RALB: variants seen among roughly 807,000 people sequenced by gnomAD.
RALB encodes the protein ras-related protein Ral-B.
RALB carries 16 observed loss-of-function variants against 21.3 expected under a neutral mutation model. The observed-to-expected ratio is 0.75, with a 90% CI of 0.51 to 1.14. The LOEUF (loss-of-function observed/expected upper bound fraction) is 1.14, where lower values mean the gene tolerates loss of function less well. Among genes scored for constraint, RALB ranks in the 50% most tolerant of loss-of-function variants. The probability of loss-of-function intolerance (pLI) is 0.00; values close to 1 mark genes in which losing one functional copy is unlikely to be tolerated. For synonymous variants in RALB, 93 were observed against 96.1 expected (o/e 0.97, Z 0.19); for missense variants, 161 against 256.2 (o/e 0.63, Z 2.54).
chr2:120,240,775 C>T (rs1688881141), intron 1 of RALB, among the ~76,000 whole-genome samples: 1 of 152,194 alleles, frequency 6.6e-6, no homozygotes, highest in Non-Finnish European at 1.5e-5. Context: ...TGTCTTTCCT[C>T]TCATGCCTTC....
intron 1 of RALB, among the ~76,000 whole-genome samples, chr2:120,257,754 A>G (rs541483917): frequency 6.6e-6 from 1 of 152,218 alleles, no homozygotes; most frequent in East Asian, 1.9e-4. Flanking sequence ...ATGAGCTAGT[A>G]TCTTTCTTTT....
chr2:120,251,097 G>A (rs1199827972), upstream of RALB, among the ~76,000 whole-genome samples: 1 of 152,210 alleles, frequency 6.6e-6, no homozygotes, highest in Admixed American at 6.5e-5. Context: ...CTAGGGGATG[G>A]GGGGCAGGTG....
chr2:120,269,269 T>A (rs1256313835), intron 1 of RALB, among the ~76,000 whole-genome samples: 1 of 152,160 alleles, frequency 6.6e-6, no homozygotes. Context: ...GTTCATGGTC[T>A]CACTGACTTC....
At position 120,293,318 on chromosome 2, in the gene RALB, A is replaced by G; in HGVS notation, c.*58A>G. On this transcript the variant is annotated 3_prime_UTR_variant, in exon 5 of 5. Coordinates refer to ENST00000272519, the MANE Select transcript of RALB (RefSeq NM_002881.3). ...TAAGGACACAGGGCTGGGTTGGTAAAGAGAAGGCTATGGTTGACTTCTTGC... is the reference window on the plus strand; with the variant it reads ...TAAGGACACAGGGCTGGGTTGGTAAGGAGAAGGCTATGGTTGACTTCTTGC... 6.6e-7 allele frequency: 1 copy of G among 1,512,792 alleles called. No homozygotes were observed. The highest frequency in any genetic ancestry group is 1.4e-5 in the African/African-American group (1 of 70,450). The allele number at this position is 1,512,792 out of a possible 1,614,324, so 93.7% of individuals were successfully genotyped here.
chr2:120,292,700 A>G (rs991129685), intron 4 of RALB, among the ~76,000 whole-genome samples: 1 of 152,174 alleles, frequency 6.6e-6, no homozygotes, highest in Non-Finnish European at 1.5e-5. Context: ...GACGCCTGTA[A>G]TCCGAGCACT....
At chr2:120,244,062 C>G (rs941147860) in intron 1 of RALB, among the ~76,000 whole-genome samples, 12 of 152,112 alleles carry the variant, frequency 7.9e-5, no homozygotes, top group African/African-American at 2.9e-4. Context: ...GGGAAGCAGG[C>G]ACATCTTCAC....
Position 120,278,685 on chromosome 2 carries a change from G to A in RALB, c.21G>A (p.Lys7=). The change falls in exon 2 of 5, where the codon AAG becomes AAA. Residue 7 remains lysine (K), a synonymous_variant. Coordinates refer to ENST00000272519, the MANE Select transcript of RALB (RefSeq NM_002881.3). ...GCGAGATGGCTGCCAACAAGAGTAAGGGCCAGAGCTCCTTGGCCCTCCACA... is the reference window on the plus strand; with the variant it reads ...GCGAGATGGCTGCCAACAAGAGTAAAGGCCAGAGCTCCTTGGCCCTCCACA... MAANKS[K]GQSSLALHKV... 1.3e-6 allele frequency: 2 copies of A among 1,598,042 alleles called. No individual in the cohort carries two copies. The highest frequency in any genetic ancestry group is 2.3e-5 in the South Asian group (2 of 88,716).
chr2:120,286,140 G>A, intron 3 of RALB, 58 bp downstream of exon 3: 1 of 1,452,418 alleles, frequency 6.9e-7, no homozygotes, highest in Non-Finnish European at 9.6e-7. Context: ...TTTCTCATAT[G>A]TCTTAGGCCT....
At position 120,293,390 on chromosome 2, in the gene RALB, A is replaced by C. The variant is rs1446431366; in HGVS notation, c.*130A>C. ...ACTTCATTCACTCAAACTTCTTTAA[A>C]TGGGGAAAAATATTTGTGACTCTGT... On this transcript the variant is annotated 3_prime_UTR_variant, in exon 5 of 5. Transcript: ENST00000272519. The C allele has an allele frequency of 2.0e-6, 2 of 1,007,480 alleles. No homozygotes were observed. The highest frequency in any genetic ancestry group is 2.7e-6 in the Non-Finnish European group (2 of 744,226). The allele number at this position is 1,007,480 out of a possible 1,614,324, so 62.4% of individuals were successfully genotyped here. A position where few individuals can be genotyped will look rare whatever the true frequency, so the allele number is the denominator to read the frequency against.
At chr2:120,279,022 T>G (rs77278379) in intron 2 of RALB, among the ~76,000 whole-genome samples, 1 of 152,196 alleles carries the variant, frequency 6.6e-6, no homozygotes, top group Admixed American at 6.5e-5. Context: ...GTTTCCATTG[T>G]TATACTTCGA....
intron 1 of RALB, chr2:120,253,417 C>A: frequency 1.0e-6 from 1 of 985,600 alleles, no homozygotes; most frequent in South Asian, 4.7e-5. Context: ...GTGAACTGGG[C>A]GGTGTTCCTA....
Position 120,278,825 on chromosome 2 carries a change from G to T in RALB, c.114+47G>T, listed in dbSNP as rs755082687. 18 of 1,448,274 alleles carry T rather than the reference G, an allele frequency of 1.2e-5. 1 individual carries two copies. The South Asian group carries it at 2.4e-4, about 19-fold the overall frequency. The allele number at this position is 1,448,274 out of a possible 1,614,324, so 89.7% of individuals were successfully genotyped here. On this transcript the variant is annotated intron_variant, in intron 2 of 4. Coordinates refer to ENST00000272519, the MANE Select transcript of RALB (RefSeq NM_002881.3). ...CCACCTTCCTTTGGCATTGGCCGTAGCAGTGTCCCTGCTCCCGCTGTTTCT... is the reference window on the plus strand; with the variant it reads ...CCACCTTCCTTTGGCATTGGCCGTATCAGTGTCCCTGCTCCCGCTGTTTCT...
rs146018219 is a variant in RALB at position 120,256,040 on chromosome 2, C to A, written c.-48+3060C>A. 3.0e-4 allele frequency among the ~76,000 whole-genome samples: 45 copies of A among 152,202 alleles called. 1 individual carries two copies. In the East Asian group the frequency reaches 6.8e-3, roughly 23 times the overall value. On this transcript the variant is annotated intron_variant, in intron 1 of 4. Coordinates refer to ENST00000272519, the MANE Select transcript of RALB (RefSeq NM_002881.3). ...TTTCTGTTGCTGCATAACAAATTTCCCCAAACTTAGCAGCTTAAAACAACA... is the reference window on the plus strand; with the variant it reads ...TTTCTGTTGCTGCATAACAAATTTCACCAAACTTAGCAGCTTAAAACAACA...
At chr2:120,257,597 G>C (rs1689231245) in intron 1 of RALB, among the ~76,000 whole-genome samples, 1 of 152,130 alleles carries the variant, frequency 6.6e-6, no homozygotes, top group Admixed American at 6.5e-5. Flanking sequence ...AACCTCAGAA[G>C]ACAAGCTTTT....
intron 4 of RALB, among the ~76,000 whole-genome samples, chr2:120,291,136 T>C (rs17050072): frequency 0.7 from 105,971 of 152,120 alleles, 37,533 homozygotes; most frequent in Middle Eastern, 0.8. Context: ...TAGAAGGGGT[T>C]TGCTTTAGAC....
At chr2:120,241,045 C>G (rs1326582935) in intron 1 of RALB, among the ~76,000 whole-genome samples, 1 of 152,170 alleles carries the variant, frequency 6.6e-6, no homozygotes, top group African/African-American at 2.4e-5. Flanking sequence ...GTGCGTTTGT[C>G]CTTAGTCCTG....
At chr2:120,261,826 A>G (rs958084423) in intron 1 of RALB, among the ~76,000 whole-genome samples, 1 of 151,928 alleles carries the variant, frequency 6.6e-6, no homozygotes, top group Admixed American at 6.5e-5. Flanking sequence ...GCAGGTGTCA[A>G]GAGGGCAGAG....
In RALB at chr2:120,240,134, C is replaced by T. The variant is rs183837684; in HGVS notation, c.19+9C>T. On this transcript the variant is annotated intron_variant, in intron 1 of 3. Coordinates refer to the RALB transcript ENST00000447591. Reference sequence around the variant, plus strand: ...GAAACAGCGGCAGTCAGGTGGGTGCCCGCCCTCGGTGTGGATTGCACTTCG... The same window carrying T: ...GAAACAGCGGCAGTCAGGTGGGTGCTCGCCCTCGGTGTGGATTGCACTTCG... 2.1e-4 allele frequency: 271 copies of T among 1,289,650 alleles called. No homozygotes were observed. In the African/African-American group the frequency reaches 3.4e-3, roughly 16 times the overall value. The allele number at this position is 1,289,650 out of a possible 1,614,324, so 79.9% of individuals were successfully genotyped here.
intron 1 of RALB, among the ~76,000 whole-genome samples, chr2:120,262,749 G>A (rs1689398434): frequency 6.6e-6 from 1 of 152,218 alleles, no homozygotes; most frequent in Non-Finnish European, 1.5e-5. Context: ...GGGAGATTTA[G>A]GACAGGGACA....
Sources: gnomAD v4.1 joint callset for allele counts (sites outside exome capture counted in the v4.1 genomes callset) on GRCh38, gnomAD v4.1.1 for gene constraint, MANE v1.5 for transcripts, NCBI Gene and HGNC (gene_info 2026-07-23, HGNC 2026-07-21) for gene names.